NTNG1: variants seen among roughly 807,000 people sequenced by gnomAD.
NTNG1 encodes the protein netrin-G1.
A neutral mutation model predicts 54.0 loss-of-function variants in NTNG1; 16 were observed. That is an observed-to-expected ratio of 0.30 (90% CI 0.20 to 0.45). NTNG1 has a LOEUF of 0.45. NTNG1 is among the 20% of genes least tolerant of loss of function. The pLI is 1.00. For synonymous variants in NTNG1, 255 were observed against 263.1 expected (o/e 0.97, Z 0.30); for missense variants, 530 against 678.7 (o/e 0.78, Z 2.43).
intron 2 of NTNG1, among the ~76,000 whole-genome samples, chr1:107,255,636 G>A (rs1662888415): frequency 6.6e-6 from 1 of 152,096 alleles, no homozygotes; most frequent in Non-Finnish European, 1.5e-5. Context: ...AGTCGAATAC[G>A]AAATTCTAGT....
intron 2 of NTNG1, among the ~76,000 whole-genome samples, chr1:107,303,990 G>C (rs1666496293): frequency 6.6e-6 from 1 of 150,868 alleles, no homozygotes; most frequent in Non-Finnish European, 1.5e-5. Flanking sequence ...CGCCTCTAAT[G>C]AGTGTTTTGA....
chr1:107,208,712 T>A (rs998186150), intron 2 of NTNG1, among the ~76,000 whole-genome samples: 4 of 152,130 alleles, frequency 2.6e-5, no homozygotes, highest in African/African-American at 9.6e-5. Context: ...GGGTTAGGCA[T>A]GTATCCCCTA....
chr1:107,210,956 A>T (rs1458225753), intron 2 of NTNG1, among the ~76,000 whole-genome samples: 1 of 152,084 alleles, frequency 6.6e-6, no homozygotes, highest in Non-Finnish European at 1.5e-5. Flanking sequence ...CTAGTTCTCC[A>T]TTCTATTGAG....
At chr1:107,201,088 G>T (rs377358290) in intron 2 of NTNG1, among the ~76,000 whole-genome samples, 1 of 151,578 alleles carries the variant, frequency 6.6e-6, no homozygotes, top group East Asian at 1.9e-4. Flanking sequence ...TATTCTTCAA[G>T]CCATATCTAT....
chr1:107,360,849 G>C (rs1412940754), intron 3 of NTNG1, among the ~76,000 whole-genome samples: 1 of 152,046 alleles, frequency 6.6e-6, no homozygotes, highest in Admixed American at 6.6e-5. Flanking sequence ...CAGTCACTGA[G>C]TATCTCTCGT....
At chr1:107,397,486 A>G (rs11185107) in intron 4 of NTNG1, among the ~76,000 whole-genome samples, 65,955 of 151,920 alleles carry the variant, frequency 0.43, 15,324 homozygotes, top group Non-Finnish European at 0.52. Flanking sequence ...TTTACTAGCT[A>G]TGTGACCTTG....
intron 2 of NTNG1, among the ~76,000 whole-genome samples, chr1:107,231,580 G>A (rs1325155335): frequency 6.6e-6 from 1 of 151,818 alleles, no homozygotes; most frequent in Non-Finnish European, 1.5e-5. Context: ...ATCATACATT[G>A]CCAAATTAAT....
At chr1:107,173,530 C>T (rs1240296495) in intron 2 of NTNG1, among the ~76,000 whole-genome samples, 2 of 152,052 alleles carry the variant, frequency 1.3e-5, no homozygotes, top group Admixed American at 6.6e-5. Flanking sequence ...ATGCCAAACC[C>T]GGAATCCTTC....
rs116351104 is a variant in NTNG1 at position 107,437,111 on chromosome 1, C to A, written c.1390+312C>A. On this transcript the variant is annotated intron_variant, in intron 7 of 7. Transcript: ENST00000370068. ...GGACCCAGCGTGGAAATCTTCACCG[C>A]AGAATGAAGGGTGATGTGCATGTGA... is the stretch of plus-strand genomic sequence containing the variant. Among the ~76,000 whole-genome samples, 1,425 of 152,192 alleles carry A rather than the reference C, an allele frequency of 9.4e-3. 17 individuals are homozygous for A. The highest frequency in any genetic ancestry group is 0.032 in the African/African-American group (1,344 of 41,524).
chr1:107,388,581 A>G (rs773522869), intron 3 of NTNG1, among the ~76,000 whole-genome samples: 16 of 152,228 alleles, frequency 1.1e-4, no homozygotes, highest in Non-Finnish European at 1.9e-4. Flanking sequence ...AAATGCAAAA[A>G]GCAATGAGCA....
intron 2 of NTNG1, among the ~76,000 whole-genome samples, chr1:107,263,280 C>G (rs779967348): frequency 2.1e-4 from 6 of 29,166 alleles, no homozygotes; most frequent in Non-Finnish European, 4.0e-4. Flanking sequence ...TTGCTTCCTT[C>G]CTTCCTTCCT....
At position 107,413,162 on chromosome 1, in the gene NTNG1, T is replaced by A. The variant is rs969257838; in HGVS notation, c.1087+5454T>A. On this transcript the variant is annotated intron_variant, in intron 5 of 7. Transcript: ENST00000370068. ...TTTTTGTTTTGTTTTGTTCATTTTT[T>A]TTTTCATTTTTTTTTTCTGAGATGG... is the stretch of plus-strand genomic sequence containing the variant. 1.7e-3 allele frequency among the ~76,000 whole-genome samples: 262 copies of A among 151,782 alleles called. 2 individuals are homozygous for A. Among genetic ancestry groups the A allele is most frequent in the African/African-American group, 6.0e-3 (247 of 41,448 alleles).
chr1:107,335,030 A>C (rs1260754326), intron 3 of NTNG1, among the ~76,000 whole-genome samples: 1 of 152,012 alleles, frequency 6.6e-6, no homozygotes, highest in Non-Finnish European at 1.5e-5. Flanking sequence ...TCCAAACTTA[A>C]AGAATAAAAT....
chr1:107,431,186 C>T (rs572423107), intron 6 of NTNG1, among the ~76,000 whole-genome samples: 236 of 152,126 alleles, frequency 1.6e-3, no homozygotes, highest in African/African-American at 5.5e-3. Context: ...TCTTTCTTCC[C>T]GTTTTTTGCT....
At chr1:107,296,554 T>C (rs762164862) in intron 2 of NTNG1, among the ~76,000 whole-genome samples, 3 of 149,604 alleles carry the variant, frequency 2.0e-5, no homozygotes, top group African/African-American at 7.3e-5. Flanking sequence ...TATATACATA[T>C]AATATAAATA....
chr1:107,140,411 G>T (rs1653564875), upstream of NTNG1, among the ~76,000 whole-genome samples: 1 of 152,080 alleles, frequency 6.6e-6, no homozygotes, highest in Non-Finnish European at 1.5e-5. Context: ...GCAGGGTCCC[G>T]GCCGGGAGCC....
upstream of NTNG1, chr1:107,140,123 T>A (rs1003921905): frequency 6.5e-6 from 1 of 154,738 alleles, no homozygotes; most frequent in Non-Finnish European, 1.4e-5. Context: ...CGGCAGCAGC[T>A]GCAGCCGGAG....
At chr1:107,338,606 C>T (rs1668726046) in intron 3 of NTNG1, among the ~76,000 whole-genome samples, 1 of 151,934 alleles carries the variant, frequency 6.6e-6, no homozygotes, top group South Asian at 2.1e-4. Flanking sequence ...TTCACTTCTT[C>T]ATTTCAGGAT....
intron 2 of NTNG1, among the ~76,000 whole-genome samples, chr1:107,262,241 C>G (rs532583401): frequency 1.1e-4 from 16 of 152,254 alleles, no homozygotes; most frequent in African/African-American, 3.9e-4. Context: ...ATCTGAATGA[C>G]TTTAGAAAGA....
Sources: allele counts gnomAD v4.1 joint callset (sites outside exome capture counted in the v4.1 genomes callset), GRCh38; gene constraint gnomAD v4.1.1; transcripts MANE v1.5; gene names NCBI Gene and HGNC (gene_info 2026-07-23, HGNC 2026-07-21).